Variants in GDAP1 observed in about 807,000 individuals in gnomAD.
GDAP1 encodes the protein ganglioside-induced differentiation-associated protein 1.
In GDAP1, 34 loss-of-function variants were observed where a neutral mutation model predicts 40.1. The ratio of observed to expected loss-of-function variants is 0.85; its 90% CI spans 0.64 to 1.13. The LOEUF (loss-of-function observed/expected upper bound fraction) is 1.13, where lower values mean the gene tolerates loss of function less well. Among genes scored for constraint, GDAP1 ranks in the 50% most tolerant of loss-of-function variants. The probability of loss-of-function intolerance (pLI) is 0.00; values close to 1 mark genes in which losing one functional copy is unlikely to be tolerated. For synonymous variants in GDAP1, 170 were observed against 157.4 expected, an observed-to-expected ratio of 1.08 and a Z score of -0.60; for missense variants, 374 against 433.7, an observed-to-expected ratio of 0.86 and a Z score of 1.22.
intron 2 of GDAP1, among the ~76,000 whole-genome samples, chr8:74,398,998 A>G (rs1269720678): frequency 6.6e-6 from 1 of 151,854 alleles, no homozygotes; most frequent in Non-Finnish European, 1.5e-5. Context: ...AAGGATATTG[A>G]TCTAAAATTC....
chr8:74,475,898 A>G (rs1190752317), intron 2 of GDAP1, among the ~76,000 whole-genome samples: 1 of 152,118 alleles, frequency 6.6e-6, no homozygotes, highest in African/African-American at 2.4e-5. Context: ...TTCTCTCATT[A>G]TTATTGTGTG....
intron 2 of GDAP1, among the ~76,000 whole-genome samples, chr8:74,479,814 A>G (rs1346811177): frequency 6.6e-6 from 1 of 152,166 alleles, no homozygotes; most frequent in Admixed American, 6.5e-5. Flanking sequence ...TGGGGTTTTT[A>G]TATGGCAGGC....
At chr8:74,436,410 C>G (rs1489079680) in intron 2 of GDAP1, among the ~76,000 whole-genome samples, 3 of 134,164 alleles carry the variant, frequency 2.2e-5, no homozygotes, top group African/African-American at 8.4e-5. Flanking sequence ...CCTTCCTAAA[C>G]CATCCCTTCC....
At chr8:74,368,431 A>G (rs1319362041), downstream of GDAP1, among the ~76,000 whole-genome samples, 4 of 152,236 alleles carry the variant, frequency 2.6e-5, no homozygotes, top group African/African-American at 7.2e-5. Flanking sequence ...TGCTCAAAAG[A>G]AAATGAAGGT....
chr8:74,450,635 T>TACTACAATGTAGTAAC (rs1307577531), intron 2 of GDAP1, among the ~76,000 whole-genome samples: 2 of 89,206 alleles, frequency 2.2e-5, no homozygotes, highest in African/African-American at 4.7e-5. Context: ...TTGCCTGGAA[T>TACTACAATGTAGTAAC]ATTCTTTCCA....
intron 2 of GDAP1, among the ~76,000 whole-genome samples, chr8:74,387,021 C>T (rs1293755803): frequency 2.0e-5 from 3 of 152,186 alleles, no homozygotes; most frequent in Admixed American, 6.5e-5. Flanking sequence ...GATTTTTGCT[C>T]ATTGATTTTA....
At chr8:74,373,385 A>G (rs574728496) in intron 2 of GDAP1, among the ~76,000 whole-genome samples, 4 of 152,248 alleles carry the variant, frequency 2.6e-5, no homozygotes, top group South Asian at 4.1e-4. Context: ...CTTCCTATCG[A>G]TGAGCATGGA....
intron 2 of GDAP1, among the ~76,000 whole-genome samples, chr8:74,357,806 G>T (rs1563441039): frequency 6.6e-6 from 1 of 152,050 alleles, no homozygotes; most frequent in Non-Finnish European, 1.5e-5. Flanking sequence ...TCCCACTCCT[G>T]ATTGAGGTAC....
chr8:74,357,366 T>C (rs1044874456), intron 2 of GDAP1, among the ~76,000 whole-genome samples: 2 of 152,248 alleles, frequency 1.3e-5, no homozygotes, highest in African/African-American at 4.8e-5. Flanking sequence ...TGTTTTACTC[T>C]TGGGAAAACC....
Position 74,360,441 on chromosome 8 carries a change from C to T in GDAP1, c.484+131C>T, listed in dbSNP as rs985154967. The T allele has an allele frequency of 1.3e-5, 10 of 791,008 alleles. 1 individual carries two copies. Among genetic ancestry groups the T allele is most frequent in the African/African-American group, 1.2e-4 (7 of 59,258 alleles). 49.0% of individuals were successfully genotyped at this position (791,008 alleles called of 1,614,324 possible). ...TTGTTGAGTTTGCTTCATGGATGTG[C>T]ATGTTATGGATCGATCCATGAACCA... On this transcript the variant is annotated intron_variant, in intron 3 of 5. Transcript: ENST00000220822.
intron 2 of GDAP1, among the ~76,000 whole-genome samples, chr8:74,478,633 G>A (rs1806666817): frequency 1.3e-5 from 2 of 152,080 alleles, no homozygotes; most frequent in South Asian, 4.1e-4. Context: ...TTTCCCCTAA[G>A]ACTAAAAGTC....
chr8:74,350,681 G>A, intron 1 of GDAP1, 103 bp downstream of exon 1: 1 of 837,236 alleles, frequency 1.2e-6, no homozygotes, highest in Non-Finnish European at 2.1e-6. Flanking sequence ...CTAGAAATCC[G>A]CCTCCAGTGT....
At chr8:74,360,901 G>A (rs1315407722) in intron 3 of GDAP1, among the ~76,000 whole-genome samples, 3 of 152,194 alleles carry the variant, frequency 2.0e-5, no homozygotes, top group Non-Finnish European at 4.4e-5. Context: ...GGAAAGGATT[G>A]TGGCAGTGGT....
chr8:74,436,438 T>C (rs918642521), intron 2 of GDAP1, among the ~76,000 whole-genome samples: 5 of 92,344 alleles, frequency 5.4e-5, no homozygotes, highest in Non-Finnish European at 1.2e-4. Context: ...TTTTTTTTTT[T>C]CTGAGACGGA....
At chr8:74,461,901 A>G (rs28699112) in intron 2 of GDAP1, among the ~76,000 whole-genome samples, 1,926 of 152,342 alleles carry the variant, frequency 0.013, 25 homozygotes, top group African/African-American at 0.044. Flanking sequence ...TGAGAAAAAC[A>G]ATTCTGTTCC....
At position 74,364,461 on chromosome 8, in the gene GDAP1, A is replaced by G; in HGVS notation, c.*94A>G. 1.6e-6 allele frequency: 2 copies of G among 1,261,076 alleles called. No homozygotes were observed. The highest frequency in any genetic ancestry group is 2.3e-6 in the Non-Finnish European group (2 of 871,510). The allele number at this position is 1,261,076 out of a possible 1,614,324, so 78.1% of individuals were successfully genotyped here. On this transcript the variant is annotated 3_prime_UTR_variant, in exon 6 of 6. Coordinates refer to ENST00000220822, the MANE Select transcript of GDAP1 (RefSeq NM_018972.4). ...TCTGAGTCTGTCTTATTGAGTAGTT[A>G]GCAGTATTTTTTCCTAAAATTCAGA... is the stretch of plus-strand genomic sequence containing the variant.
At chr8:74,374,480 T>C (rs1184548350) in intron 2 of GDAP1, among the ~76,000 whole-genome samples, 1 of 151,662 alleles carries the variant, frequency 6.6e-6, no homozygotes, top group East Asian at 1.9e-4. Flanking sequence ...CAAAACAAGT[T>C]TCAACCCAAA....
chr8:74,481,906 A>G (rs1806716036), intron 2 of GDAP1, among the ~76,000 whole-genome samples: 1 of 152,186 alleles, frequency 6.6e-6, no homozygotes, highest in African/African-American at 2.4e-5. Flanking sequence ...TATTTTAAAC[A>G]GGCTAGACAA....
At chr8:74,377,314 C>T (rs1453226434) in intron 2 of GDAP1, among the ~76,000 whole-genome samples, 1 of 151,938 alleles carries the variant, frequency 6.6e-6, no homozygotes, top group African/African-American at 2.4e-5. Flanking sequence ...GATGTATAGT[C>T]GAAATATATA....
Sources: allele counts gnomAD v4.1 joint callset (sites outside exome capture counted in the v4.1 genomes callset), GRCh38; gene constraint gnomAD v4.1.1; transcripts MANE v1.5; gene names NCBI Gene and HGNC (gene_info 2026-07-23, HGNC 2026-07-21).